The following ZFP82 variants were observed in gnomAD, a reference collection of about 807,000 sequenced individuals.
ZFP82 encodes the protein ZFP82 zinc finger protein.
A neutral mutation model predicts 54.0 loss-of-function variants in ZFP82; 30 were observed. The ratio of observed to expected loss-of-function variants is 0.56; its 90% CI spans 0.42 to 0.75. ZFP82 has a LOEUF of 0.75. Among genes scored for constraint, ZFP82 ranks in the 30% least tolerant of loss-of-function variants. ZFP82 has a pLI of 0.00. For synonymous variants in ZFP82, 194 were observed against 209.5 expected (o/e 0.93, Z 0.64); for missense variants, 500 against 636.8 (o/e 0.79, Z 2.31).
In ZFP82 at chr19:36,393,012, A is replaced by G; in HGVS notation, c.1328T>C (p.Ile443Thr). 1 of 1,614,224 alleles carries G rather than the reference A, an allele frequency of 6.2e-7. No homozygotes were observed. Among genetic ancestry groups the G allele is most frequent in the Non-Finnish European group, 8.5e-7 (1 of 1,180,046 alleles). ...LLSQLTQHQS[I>T]HIGEKPYKCK... is the part of the protein sequence containing the mutation. ...TTTATAAGGTTTCTCACCAATATGAATACTCTGATGCTGTGTGAGTTGTGA... is the reference window on the plus strand; with the variant it reads ...TTTATAAGGTTTCTCACCAATATGAGTACTCTGATGCTGTGTGAGTTGTGA... Residue 443 changes from isoleucine (I) to threonine (T), a missense_variant, in exon 5 of 5, where the codon ATT becomes ACT. Physicochemically the swap from Ile to Thr is moderately conservative, Grantham distance 89. Transcript: ENST00000392161.
chr19:36,388,203 T>C (rs896983092), downstream of ZFP82, among the ~76,000 whole-genome samples: 6 of 149,826 alleles, frequency 4.0e-5, no homozygotes, highest in Non-Finnish European at 9.1e-5. Context: ...ATTGTTTTAA[T>C]TGACTATTGA....
chr19:36,403,793 G>A (rs989298059), intron 4 of ZFP82, among the ~76,000 whole-genome samples: 2 of 152,032 alleles, frequency 1.3e-5, no homozygotes, highest in Admixed American at 6.6e-5. Context: ...AAATAAGAAT[G>A]ATATTCTGTG....
chr19:36,400,073 A>AT (rs1374376741), intron 4 of ZFP82, among the ~76,000 whole-genome samples: 3 of 152,194 alleles, frequency 2.0e-5, no homozygotes, highest in South Asian at 2.1e-4. Context: ...TATACGACCC[A>AT]TTTTTTTATG....
At chr19:36,416,827 CT>C (rs1383850422) in intron 1 of ZFP82, among the ~76,000 whole-genome samples, 2 of 149,728 alleles carry the variant, frequency 1.3e-5, no homozygotes, top group Non-Finnish European at 3.0e-5. Flanking sequence ...CATTCCAGCA[CT>C]TTGGGAGGCC....
chr19:36,390,789 GAC>G lies in ZFP82; in HGVS notation c.*1950_*1951del, dbSNP rs1485744735. The stretch of plus-strand genomic sequence containing the variant: ...GTTTTGTTTTTTGTTTTTTGTTTGA[GAC>G]AGAGTCTCGGTCTGTCACCCAGGCT... On this transcript the variant is annotated 3_prime_UTR_variant, in exon 5 of 5. Coordinates refer to ENST00000392161, the MANE Select transcript of ZFP82 (RefSeq NM_133466.4). The G allele has an allele frequency of 2.6e-5, 4 of 151,976 alleles. No homozygotes were observed. The highest frequency in any genetic ancestry group is 4.4e-5 in the Non-Finnish European group (3 of 68,018). The allele number at this position is 151,976 out of a possible 1,614,324, so 9.4% of individuals were successfully genotyped here.
chr19:36,387,755 C>T (rs1263245767), downstream of ZFP82, among the ~76,000 whole-genome samples: 1 of 152,202 alleles, frequency 6.6e-6, no homozygotes, highest in Non-Finnish European at 1.5e-5. Flanking sequence ...GCTGGGATTA[C>T]AGGCATGCGC....
intron 4 of ZFP82, among the ~76,000 whole-genome samples, chr19:36,402,194 C>T (rs756561362): frequency 6.6e-6 from 1 of 152,130 alleles, no homozygotes; most frequent in African/African-American, 2.4e-5. Flanking sequence ...GGAGGCCGGG[C>T]ACAGTGGCTC....
chr19:36,384,488 G>A (rs756515836), downstream of ZFP82: 6 of 152,306 alleles, frequency 3.9e-5, no homozygotes, highest in Non-Finnish European at 5.9e-5. Context: ...GAGTTCTATG[G>A]TGAAGTCTGA....
At chr19:36,394,468 G>A (rs761562096) in intron 4 of ZFP82, 8 of 181,540 alleles carry the variant, frequency 4.4e-5, no homozygotes, top group Non-Finnish European at 9.1e-5. Flanking sequence ...TGATAATTCT[G>A]ATGAAGATGA....
chr19:36,408,323 C>T (rs575465466), intron 2 of ZFP82, among the ~76,000 whole-genome samples: 1 of 152,290 alleles, frequency 6.6e-6, no homozygotes, highest in Admixed American at 6.5e-5. Context: ...AAGCCTTTGC[C>T]TACTATGTCT....
At chr19:36,414,909 C>T (rs2032644065) in intron 1 of ZFP82, among the ~76,000 whole-genome samples, 1 of 151,746 alleles carries the variant, frequency 6.6e-6, no homozygotes, top group Non-Finnish European at 1.5e-5. Flanking sequence ...GCAACCTCCA[C>T]CTTCCGGGTT....
intron 3 of ZFP82, among the ~76,000 whole-genome samples, chr19:36,407,355 C>T (rs1442983703): frequency 6.6e-6 from 1 of 152,046 alleles, no homozygotes; most frequent in Admixed American, 6.6e-5. Flanking sequence ...GGATTACAGG[C>T]GTGAGCCACC....
chr19:36,408,330 GTC>G (rs2032519763), intron 2 of ZFP82, among the ~76,000 whole-genome samples: 2 of 152,082 alleles, frequency 1.3e-5, no homozygotes, highest in African/African-American at 4.8e-5. Context: ...TGCCTACTAT[GTC>G]TCCCTCATCA....
chr19:36,407,769 C>A, intron 3 of ZFP82, 118 bp downstream of exon 3: 1 of 1,129,226 alleles, frequency 8.9e-7, no homozygotes, highest in East Asian at 2.4e-5. Flanking sequence ...AAAGTGTTCC[C>A]TTTAGAAAGT....
chr19:36,384,540 T>C (rs1171435494), downstream of ZFP82: 1 of 152,216 alleles, frequency 6.6e-6, no homozygotes, highest in African/African-American at 2.4e-5. Context: ...TTTTCTTTCA[T>C]ATTGATAGGC....
chr19:36,396,466 T>G (rs1299652329), intron 4 of ZFP82, among the ~76,000 whole-genome samples: 1 of 151,928 alleles, frequency 6.6e-6, no homozygotes. Context: ...ACTAACACGG[T>G]GAAACCCCGT....
intron 4 of ZFP82, among the ~76,000 whole-genome samples, chr19:36,399,834 C>T (rs879763870): frequency 6.6e-6 from 1 of 152,060 alleles, no homozygotes; most frequent in Admixed American, 6.5e-5. Context: ...GAAAACATAA[C>T]AATCAAGACG....
At chr19:36,398,255 T>A (rs2032329114) in intron 4 of ZFP82, among the ~76,000 whole-genome samples, 1 of 152,182 alleles carries the variant, frequency 6.6e-6, no homozygotes, top group Admixed American at 6.5e-5. Context: ...AAGAATGTTT[T>A]AGGCTGGGCG....
chr19:36,392,068 G>C lies in ZFP82; in HGVS notation c.*673C>G, dbSNP rs1194194455. The C allele has an allele frequency of 6.6e-6, 1 of 152,162 alleles. No homozygotes were observed. The highest frequency in any genetic ancestry group is 1.5e-5 in the Non-Finnish European group (1 of 68,022). 9.4% of individuals were successfully genotyped at this position (152,162 alleles called of 1,614,324 possible). Reference sequence around the variant, plus strand: ...TCCATTCTACATGGCATCAGTTCAGGTTACCAAGTCGCTCACTGGCATTTA... The same window carrying C: ...TCCATTCTACATGGCATCAGTTCAGCTTACCAAGTCGCTCACTGGCATTTA... On this transcript the variant is annotated 3_prime_UTR_variant, in exon 5 of 5. Transcript: ENST00000392161.
Sources: gnomAD v4.1 joint callset for allele counts (sites outside exome capture counted in the v4.1 genomes callset) on GRCh38, gnomAD v4.1.1 for gene constraint, MANE v1.5 for transcripts, NCBI Gene and HGNC (gene_info 2026-07-23, HGNC 2026-07-21) for gene names.